The following LAMA2 variants were observed in gnomAD, a reference collection of about 807,000 sequenced individuals.
LAMA2 encodes the protein laminin subunit alpha-2.
Under a neutral mutation model 364.8 loss-of-function variants are expected in LAMA2, and 269 were observed. The observed-to-expected ratio is 0.74, with a 90% CI of 0.67 to 0.82. The LOEUF (loss-of-function observed/expected upper bound fraction) is 0.82, where lower values mean the gene tolerates loss of function less well. LAMA2 is among the 40% of genes least tolerant of loss of function. The pLI, the probability that LAMA2 is intolerant of heterozygous loss-of-function variation, is 0.00. For missense variants in LAMA2, 3,807 were observed against 3,873.2 expected, an observed-to-expected ratio of 0.98 and a Z score of 0.45; for synonymous variants, 1,379 against 1,370.6, an observed-to-expected ratio of 1.01 and a Z score of -0.14.
chr6:129,211,363 G>GA (rs148885904), intron 12 of LAMA2, among the ~76,000 whole-genome samples: 10,784 of 152,094 alleles, frequency 0.071, 706 homozygotes, highest in African/African-American at 0.17. Context: ...TATATTACAG[G>GA]AAAAAACCAT....
rs139211026 is a variant in LAMA2, at chr6:129,346,409, A to C, written c.4437-2889A>C. ...CCACAAAACCTATCCATAGCACAGA[A>C]TGTATTTTGTACATTTTATATACAA... On this transcript the variant is annotated intron_variant, in intron 30 of 64. Coordinates refer to ENST00000421865, the MANE Select transcript of LAMA2 (RefSeq NM_000426.4). Among the ~76,000 whole-genome samples the C allele has an allele frequency of 3.7e-3, 559 of 152,344 alleles. 3 individuals are homozygous for C. Among genetic ancestry groups the C allele is most frequent in the African/African-American group, 0.01 (426 of 41,582 alleles).
intron 3 of LAMA2, among the ~76,000 whole-genome samples, chr6:129,090,289 G>A (rs1484060509): frequency 3.3e-5 from 5 of 151,954 alleles, no homozygotes. Flanking sequence ...CAGATTATTG[G>A]GAAGCAAATT....
Position 128,886,674 on chromosome 6 carries a change from G to A in LAMA2, c.112+3317G>A, listed in dbSNP as rs76044074. Among the ~76,000 whole-genome samples, 27 of 152,250 alleles carry A rather than the reference G, an allele frequency of 1.8e-4. No individual in the cohort carries two copies. In the East Asian group the frequency reaches 3.9e-3, roughly 22 times the overall value. The stretch of plus-strand genomic sequence containing the variant: ...CTGTCCTCAAATTTTCAGAAGAGTC[G>A]TTATGTTAAAGAGGGACTATTCTAA... On this transcript the variant is annotated intron_variant, in intron 1 of 64. Transcript: ENST00000421865.
intron 1 of LAMA2, among the ~76,000 whole-genome samples, chr6:128,966,122 A>G (rs901049773): frequency 2.6e-5 from 4 of 151,834 alleles, no homozygotes; most frequent in African/African-American, 9.7e-5. Flanking sequence ...TAATATTTAA[A>G]TAGTCACAGA....
chr6:129,385,663 C>T (rs572822831), intron 35 of LAMA2, among the ~76,000 whole-genome samples: 2 of 152,166 alleles, frequency 1.3e-5, no homozygotes, highest in East Asian at 1.9e-4. Context: ...TAATATCTAC[C>T]GTGCTATGAC....
chr6:129,320,396 T>C, intron 27 of LAMA2, 142 bp from the exon 28 acceptor site: 1 of 697,632 alleles, frequency 1.4e-6, no homozygotes. Flanking sequence ...CAATTATTAT[T>C]TGTCAATTAA....
At chr6:129,084,924 G>A (rs772423459) in intron 3 of LAMA2, among the ~76,000 whole-genome samples, 6 of 152,124 alleles carry the variant, frequency 3.9e-5, no homozygotes, top group Non-Finnish European at 8.8e-5. Context: ...AGAATTACAT[G>A]GTGTTCTGTT....
intron 9 of LAMA2, among the ~76,000 whole-genome samples, chr6:129,168,841 T>A (rs1779935414): frequency 7.0e-6 from 1 of 143,110 alleles, no homozygotes; most frequent in African/African-American, 2.6e-5. Context: ...TTTATTTCCT[T>A]GAGCAGTGGT....
chr6:129,482,000 G>A (rs1413683205), intron 55 of LAMA2, among the ~76,000 whole-genome samples: 1 of 152,154 alleles, frequency 6.6e-6, no homozygotes, highest in Non-Finnish European at 1.5e-5. Flanking sequence ...ATTCAAGGAT[G>A]TTAAAGCCTA....
intron 1 of LAMA2, among the ~76,000 whole-genome samples, chr6:129,027,549 T>C (rs1785911456): frequency 6.6e-6 from 1 of 151,990 alleles, no homozygotes; most frequent in South Asian, 2.1e-4. Context: ...TGATTACATC[T>C]ACAGACAAAG....
intron 18 of LAMA2, among the ~76,000 whole-genome samples, chr6:129,282,352 A>G (rs1788780249): frequency 6.6e-6 from 1 of 152,174 alleles, no homozygotes; most frequent in African/African-American, 2.4e-5. Context: ...CAAGAGTTAT[A>G]ACTTTATAGT....
At chr6:129,342,904 C>G (rs568360243) in intron 30 of LAMA2, among the ~76,000 whole-genome samples, 1 of 151,984 alleles carries the variant, frequency 6.6e-6, no homozygotes, top group South Asian at 2.1e-4. Flanking sequence ...AAATAATTAT[C>G]AAGAAAACAT....
At chr6:129,244,016 G>GT (rs1165558308) in intron 12 of LAMA2, among the ~76,000 whole-genome samples, 5 of 151,908 alleles carry the variant, frequency 3.3e-5, no homozygotes, top group Non-Finnish European at 5.9e-5. Context: ...TTTCCTCGAG[G>GT]TTTTTTATTT....
At chr6:128,965,235 A>G (rs889053639) in intron 1 of LAMA2, among the ~76,000 whole-genome samples, 7 of 152,064 alleles carry the variant, frequency 4.6e-5, no homozygotes, top group African/African-American at 1.7e-4. Flanking sequence ...GCTGACCAAT[A>G]TATTGGAAAA....
intron 52 of LAMA2, among the ~76,000 whole-genome samples, chr6:129,473,797 C>T (rs1783933444): frequency 6.6e-6 from 1 of 151,926 alleles, no homozygotes; most frequent in African/African-American, 2.4e-5. Context: ...TTGGAGCTTT[C>T]CCATATGCCT....
chr6:128,917,943 T>A (rs573858891), intron 1 of LAMA2, among the ~76,000 whole-genome samples: 1 of 152,012 alleles, frequency 6.6e-6, no homozygotes. Context: ...GCCATGTTGC[T>A]CAGACTGAAC....
intron 51 of LAMA2, among the ~76,000 whole-genome samples, chr6:129,470,862 A>G (rs1783777683): frequency 6.6e-6 from 1 of 151,856 alleles, no homozygotes; most frequent in African/African-American, 2.4e-5. Context: ...AAATTCAAGT[A>G]CAGTCCTTCA....
chr6:129,143,798 T>G (rs963543918), intron 4 of LAMA2, 103 bp from the exon 5 acceptor site: 13 of 822,262 alleles, frequency 1.6e-5, no homozygotes, highest in African/African-American at 1.5e-4. Flanking sequence ...CGTAACTAAT[T>G]GGGAGAATGG....
At position 129,291,607 on chromosome 6, in the gene LAMA2, T is replaced by C. The variant is rs746733373; in HGVS notation, c.2750-7T>C. ...TTCCTGATCACAGGTCTCTCTTCTCTTTGCAGCCTGTCGCTGTAATGCCGG... is the reference window on the plus strand; with the variant it reads ...TTCCTGATCACAGGTCTCTCTTCTCCTTGCAGCCTGTCGCTGTAATGCCGG... On this transcript the variant is annotated splice_polypyrimidine_tract_variant and splice_region_variant and intron_variant, in intron 19 of 64. Transcript: ENST00000421865. 2 of 1,610,056 alleles carry C rather than the reference T, an allele frequency of 1.2e-6. No individual in the cohort carries two copies. Among genetic ancestry groups the C allele is most frequent in the East Asian group, 4.5e-5 (2 of 44,850 alleles).
Sources: gnomAD v4.1 joint callset for allele counts (sites outside exome capture counted in the v4.1 genomes callset) on GRCh38, gnomAD v4.1.1 for gene constraint, MANE v1.5 for transcripts, NCBI Gene and HGNC (gene_info 2026-07-23, HGNC 2026-07-21) for gene names.